Variants in DIP2C observed in about 807,000 individuals in gnomAD.
The protein encoded by DIP2C is DIP2 acetate--CoA ligase C (putative), also known as disco-interacting protein 2 homolog C.
In DIP2C, 33 loss-of-function variants were observed where a neutral mutation model predicts 192.4. That is an observed-to-expected ratio of 0.17 (90% confidence interval 0.13 to 0.23). The LOEUF is 0.23. Among genes scored for constraint, DIP2C ranks in the 10% least tolerant of loss-of-function variants. The pLI, the probability that DIP2C is intolerant of heterozygous loss-of-function variation, is 1.00. For missense variants in DIP2C, 1,537 were observed against 2,110.1 expected (o/e 0.73, Z 5.32); for synonymous variants, 979 against 864.1 (o/e 1.13, Z -2.33).
rs533410837 is a variant in DIP2C at position 488,985 on chromosome 10, G to A, written c.86-2455C>T. Among the ~76,000 whole-genome samples the A allele has an allele frequency of 1.2e-4, 18 of 152,264 alleles. 1 individual carries two copies. The South Asian group carries it at 3.3e-3, about 28-fold the overall frequency. On this transcript the variant is annotated intron_variant, in intron 1 of 36. Transcript: ENST00000280886. The stretch of plus-strand genomic sequence containing the variant: ...GTGCGCTGAAGACCTGGGCAGACGC[G>A]GGGTGATCATTTACCTGTTCAGTTA...
At chr10:372,074 CTTTT>C (rs71376826) in intron 17 of DIP2C, among the ~76,000 whole-genome samples, 3,023 of 137,554 alleles carry the variant, frequency 0.022, 94 homozygotes, top group African/African-American at 0.076. Context: ...ACCCCCTTTC[CTTTT>C]TTTTTTTTTT....
At chr10:380,468 C>G (rs1343340982) in intron 17 of DIP2C, among the ~76,000 whole-genome samples, 1 of 152,130 alleles carries the variant, frequency 6.6e-6, no homozygotes, top group Non-Finnish European at 1.5e-5. Flanking sequence ...GGTTAACAGG[C>G]AGAAGAGGCT....
intron 1 of DIP2C, among the ~76,000 whole-genome samples, chr10:557,719 G>A (rs1364540114): frequency 1.7e-5 from 1 of 59,526 alleles, no homozygotes; most frequent in Non-Finnish European, 3.3e-5. Flanking sequence ...GGGATGGGCA[G>A]GGCAGGGGAG....
intron 1 of DIP2C, among the ~76,000 whole-genome samples, chr10:624,147 G>T (rs968938003): frequency 1.3e-5 from 2 of 152,188 alleles, no homozygotes; most frequent in African/African-American, 2.4e-5. Flanking sequence ...GGAGCCGCAC[G>T]GCGAGGCCCC....
Position 423,046 on chromosome 10 carries a change from A to T in DIP2C, c.395-13T>A. The T allele has an allele frequency of 1.3e-6, 2 of 1,587,898 alleles. No individual in the cohort carries two copies. Among genetic ancestry groups the T allele is most frequent in the South Asian group, 2.3e-5 (2 of 87,734 alleles). ...CCAGAAGAGGTATCTGTGTAAGAAG[A>T]AAGGTGATTTGCTGTATGTTGCAGC... On this transcript the variant is annotated splice_polypyrimidine_tract_variant and intron_variant, in intron 4 of 36. Coordinates refer to ENST00000280886, the MANE Select transcript of DIP2C (RefSeq NM_014974.3).
intron 2 of DIP2C, among the ~76,000 whole-genome samples, chr10:483,429 C>T (rs1843758490): frequency 6.6e-6 from 1 of 152,250 alleles, no homozygotes; most frequent in African/African-American, 2.4e-5. Context: ...ATGGTGCACA[C>T]TTGCGTGTCA....
At chr10:311,688 A>T in intron 31 of DIP2C, 125 of 608,860 alleles carry the variant, frequency 2.1e-4, no homozygotes, top group South Asian at 4.2e-4. Context: ...GAGAAGAGGG[A>T]GGGGTGGGGA....
chr10:645,575 G>A (rs1855406808), intron 1 of DIP2C, among the ~76,000 whole-genome samples: 1 of 152,148 alleles, frequency 6.6e-6, no homozygotes. Context: ...CTTGATGGTG[G>A]TATTATAAGT....
chr10:282,678 C>T (rs935924668), intron 35 of DIP2C, among the ~76,000 whole-genome samples: 1 of 152,260 alleles, frequency 6.6e-6, no homozygotes, highest in East Asian at 1.9e-4. Flanking sequence ...TGGCTTCACC[C>T]TGCTCTCCTC....
chr10:540,747 A>G (rs955114847), intron 1 of DIP2C, among the ~76,000 whole-genome samples: 4 of 152,216 alleles, frequency 2.6e-5, no homozygotes, highest in African/African-American at 9.7e-5. Context: ...GTAATCTCTA[A>G]TTACTGTCTG....
chr10:653,932 G>A (rs940911585), intron 1 of DIP2C, among the ~76,000 whole-genome samples: 23 of 152,172 alleles, frequency 1.5e-4, no homozygotes, highest in African/African-American at 5.6e-4. Flanking sequence ...ATCATGTCTG[G>A]ATTAATGGAT....
intron 24 of DIP2C, among the ~76,000 whole-genome samples, chr10:353,361 A>G (rs1255263794): frequency 1.3e-5 from 2 of 152,208 alleles, no homozygotes; most frequent in Non-Finnish European, 2.9e-5. Flanking sequence ...AAAAAGGTCA[A>G]AAGAGTTGGC....
chr10:610,704 G>T (rs1237118466), intron 1 of DIP2C, among the ~76,000 whole-genome samples: 1 of 151,980 alleles, frequency 6.6e-6, no homozygotes, highest in Non-Finnish European at 1.5e-5. Context: ...CCCCAGTGTT[G>T]GAGGTGGGCC....
At chr10:580,116 A>G (rs954568815) in intron 1 of DIP2C, among the ~76,000 whole-genome samples, 1 of 152,186 alleles carries the variant, frequency 6.6e-6, no homozygotes, top group South Asian at 2.1e-4. Context: ...CATAGGTATA[A>G]CATCTATATA....
rs56696581 is a variant in DIP2C, at chr10:621,671, C to T, written c.85+67823G>A. 4.0e-3 allele frequency among the ~76,000 whole-genome samples: 613 copies of T among 152,332 alleles called. 4 individuals carry two copies. Among genetic ancestry groups the T allele is most frequent in the African/African-American group, 0.014 (564 of 41,576 alleles). On this transcript the variant is annotated intron_variant, in intron 1 of 36. Coordinates refer to ENST00000280886, the MANE Select transcript of DIP2C (RefSeq NM_014974.3). ...TCGTGTGATCCTGCCATCACTCACCCTTCCGCCTCCATCCTCCATCCTCCC... is the reference window on the plus strand; with the variant it reads ...TCGTGTGATCCTGCCATCACTCACCTTTCCGCCTCCATCCTCCATCCTCCC...
intron 1 of DIP2C, chr10:628,534 G>A (rs1465872667): frequency 6.6e-6 from 1 of 152,296 alleles, no homozygotes; most frequent in Non-Finnish European, 1.5e-5. Flanking sequence ...CTGTCCCTGG[G>A]AGCCTCGCTC....
rs371628508 is a variant in DIP2C at position 277,221 on chromosome 10, A to G, written c.*104T>C. ...TCTTCCTCCTCCACTCTCACCACAA[A>G]TGGCTGTATTCTGGTGAGTGTTGCC... On this transcript the variant is annotated 3_prime_UTR_variant, in exon 37 of 37. Coordinates refer to ENST00000280886, the MANE Select transcript of DIP2C (RefSeq NM_014974.3). 5 of 1,500,850 alleles carry G rather than the reference A, an allele frequency of 3.3e-6. No homozygotes were observed. The African/African-American group carries it at 4.1e-5, about 12-fold the overall frequency. The allele number at this position is 1,500,850 out of a possible 1,614,324, so 93.0% of individuals were successfully genotyped here.
At chr10:326,065 C>T (rs1193070805) in intron 31 of DIP2C, among the ~76,000 whole-genome samples, 2 of 152,016 alleles carry the variant, frequency 1.3e-5, no homozygotes, top group African/African-American at 4.8e-5. Context: ...CCTGTAGTCC[C>T]AGCCACGTGG....
At chr10:520,552 A>G (rs1055194228) in intron 1 of DIP2C, among the ~76,000 whole-genome samples, 1 of 152,206 alleles carries the variant, frequency 6.6e-6, no homozygotes, top group Non-Finnish European at 1.5e-5. Flanking sequence ...GCTCTCCAGG[A>G]AACATGAACC....
Sources: allele counts gnomAD v4.1 joint callset (sites outside exome capture counted in the v4.1 genomes callset), GRCh38; gene constraint gnomAD v4.1.1; transcripts MANE v1.5; gene names NCBI Gene and HGNC (gene_info 2026-07-23, HGNC 2026-07-21).